Variants in NUP93 observed in about 807,000 individuals in gnomAD.
NUP93 encodes the protein nuclear pore complex protein Nup93.
In NUP93, 55 loss-of-function variants were observed where a neutral mutation model predicts 107.8. That is an observed-to-expected ratio of 0.51 (90% CI 0.41 to 0.64). The LOEUF is 0.64. Ranked by LOEUF, NUP93 falls within the 30% of genes least tolerant of loss-of-function variation. The probability of loss-of-function intolerance (pLI) is 0.00; values close to 1 mark genes in which losing one functional copy is unlikely to be tolerated. For missense variants in NUP93, 937 were observed against 1,044.7 expected, an observed-to-expected ratio of 0.90 and a Z score of 1.42; for synonymous variants, 390 against 397.5, an observed-to-expected ratio of 0.98 and a Z score of 0.22.
At chr16:56,731,286 T>G (rs1308550064) in intron 1 of NUP93, among the ~76,000 whole-genome samples, 1 of 152,168 alleles carries the variant, frequency 6.6e-6, no homozygotes, top group Non-Finnish European at 1.5e-5. Context: ...TCCCCTTCAT[T>G]ACTCTCCCCA....
rs1436430641 is a variant in NUP93 at position 56,758,465 on chromosome 16, GC to G, written c.180-72del. On this transcript the variant is annotated intron_variant, in intron 2 of 21. Transcript: ENST00000308159. ...AAAATGCTCTCTAGTATTTGATGAA[GC>G]ATATTAGATGTCCTAATCCTAATCC... 4.1e-5 allele frequency: 44 copies of G among 1,067,712 alleles called. No homozygotes were observed. In the Admixed American group the frequency reaches 7.5e-4, roughly 18 times the overall value. 66.1% of individuals were successfully genotyped at this position (1,067,712 alleles called of 1,614,324 possible). A position where few individuals can be genotyped will look rare whatever the true frequency, so the allele number is the denominator to read the frequency against.
In NUP93 at chr16:56,768,734, G is replaced by A. The variant is rs542004610; in HGVS notation, c.297+10079G>A. ...TACAAAAAATTAGCCTGGTGTGGTGGCGGGCGCCTGTAGTCCCAGCTACTC... is the reference window on the plus strand; with the variant it reads ...TACAAAAAATTAGCCTGGTGTGGTGACGGGCGCCTGTAGTCCCAGCTACTC... On this transcript the variant is annotated intron_variant, in intron 3 of 21. Transcript: ENST00000308159. Among the ~76,000 whole-genome samples, 15 of 151,608 alleles carry A rather than the reference G, an allele frequency of 9.9e-5. No homozygotes were observed. The East Asian group carries it at 2.7e-3, about 28-fold the overall frequency.
intron 5 of NUP93, among the ~76,000 whole-genome samples, chr16:56,818,177 C>T (rs1963472483): frequency 6.6e-6 from 1 of 152,164 alleles, no homozygotes; most frequent in Non-Finnish European, 1.5e-5. Flanking sequence ...GAAAAGTAAT[C>T]AGCAGCTGTT....
At chr16:56,825,710 A>G (rs1963644663) in intron 8 of NUP93, among the ~76,000 whole-genome samples, 1 of 152,020 alleles carries the variant, frequency 6.6e-6, no homozygotes, top group African/African-American at 2.4e-5. Context: ...ATCTTGTTCC[A>G]TTAATTTCTT....
chr16:56,791,832 G>T (rs1962770108), intron 3 of NUP93, among the ~76,000 whole-genome samples: 1 of 152,204 alleles, frequency 6.6e-6, no homozygotes. Flanking sequence ...GGACAGATGT[G>T]TAGCATTTAT....
At chr16:56,832,899 T>G (rs1963825604) in intron 12 of NUP93, among the ~76,000 whole-genome samples, 1 of 152,258 alleles carries the variant, frequency 6.6e-6, no homozygotes, top group Non-Finnish European at 1.5e-5. Flanking sequence ...GTAAAGGAGA[T>G]AAACACTCTC....
chr16:56,812,209 T>A (rs1293235143), intron 5 of NUP93, among the ~76,000 whole-genome samples: 1 of 152,186 alleles, frequency 6.6e-6, no homozygotes, highest in Non-Finnish European at 1.5e-5. Flanking sequence ...GCTTTTTTTG[T>A]TTGTTTGTTT....
At chr16:56,835,519 G>A (rs866490983) in intron 16 of NUP93, among the ~76,000 whole-genome samples, 5 of 152,206 alleles carry the variant, frequency 3.3e-5, no homozygotes, top group Admixed American at 1.3e-4. Context: ...TGTGCTGAGT[G>A]CTTTGCATAG....
At chr16:56,823,188 CTG>C (rs1389528975) in intron 7 of NUP93, among the ~76,000 whole-genome samples, 2 of 152,176 alleles carry the variant, frequency 1.3e-5, no homozygotes, top group Non-Finnish European at 2.9e-5. Context: ...AAATGGGAGG[CTG>C]TGACGCTCAC....
At chr16:56,784,836 GTT>G (rs1305976445) in intron 3 of NUP93, among the ~76,000 whole-genome samples, 1 of 152,114 alleles carries the variant, frequency 6.6e-6, no homozygotes, top group Non-Finnish European at 1.5e-5. Context: ...ACTAGCTCCT[GTT>G]TATCCTACTC....
rs532447084 is a variant in NUP93, at chr16:56,778,141, A to G, written c.297+19486A>G. ...AGAGCGACACAGGATTCTAAATGCC[A>G]TGGGAATTCAGAGGCGTGGAAGCGG... On this transcript the variant is annotated intron_variant, in intron 3 of 21. Transcript: ENST00000308159. 7.9e-5 allele frequency among the ~76,000 whole-genome samples: 12 copies of G among 152,340 alleles called. No individual in the cohort carries two copies. The East Asian group carries it at 9.6e-4, about 12-fold the overall frequency.
In NUP93 at chr16:56,848,227, C is replaced by T. The variant is rs1385571527; in HGVS notation, c.*3618C>T. 2.6e-5 allele frequency: 4 copies of T among 152,218 alleles called. No homozygotes were observed. The highest frequency in any genetic ancestry group is 2.6e-4 in the Admixed American group (4 of 15,280). The allele number at this position is 152,218 out of a possible 1,614,324, so 9.4% of individuals were successfully genotyped here. ...GAATGCTGAGTCAGAAAATGAACCC[C>T]TGGGCTGGCGGGTTGACCCAGGCCT... On this transcript the variant is annotated 3_prime_UTR_variant, in exon 22 of 22. Transcript: ENST00000308159.
intron 11 of NUP93, 37 bp downstream of exon 11, chr16:56,832,044 C>G (rs111791291): frequency 1.2e-6 from 2 of 1,609,754 alleles, no homozygotes; most frequent in Admixed American, 1.7e-5. Flanking sequence ...AGGGCTTTAC[C>G]CCTTTTCTGT....
intron 12 of NUP93, among the ~76,000 whole-genome samples, chr16:56,832,624 C>A (rs147851477): frequency 7.9e-5 from 12 of 152,324 alleles, no homozygotes; most frequent in African/African-American, 2.6e-4. Flanking sequence ...TTCTCTAATT[C>A]TTTGAACTGT....
chr16:56,802,290 T>G (rs1465853167), intron 4 of NUP93, among the ~76,000 whole-genome samples: 2 of 151,348 alleles, frequency 1.3e-5, no homozygotes, highest in African/African-American at 4.9e-5. Context: ...TCTAAGAAAA[T>G]TATCTCTTCC....
intron 5 of NUP93, among the ~76,000 whole-genome samples, chr16:56,808,768 ATATATAAATACATATATAAATATG>A (rs1479342455): frequency 4.9e-5 from 7 of 144,256 alleles, no homozygotes; most frequent in African/African-American, 1.0e-4. Flanking sequence ...AAAAATACAT[ATATATAAATACATATATAAATATG>A]TATATAAATA....
chr16:56,810,595 G>C (rs1405715995), intron 5 of NUP93, among the ~76,000 whole-genome samples: 1 of 152,122 alleles, frequency 6.6e-6, no homozygotes, highest in African/African-American at 2.4e-5. Context: ...TCGCACCACT[G>C]TACCCCAGCC....
chr16:56,836,187 G>A (rs532379414), intron 16 of NUP93, among the ~76,000 whole-genome samples: 1 of 150,902 alleles, frequency 6.6e-6, no homozygotes, highest in South Asian at 2.1e-4. Flanking sequence ...TCAGCACTGA[G>A]TTCCTTTTGC....
At chr16:56,764,004 A>C (rs574037645) in intron 3 of NUP93, among the ~76,000 whole-genome samples, 3 of 152,232 alleles carry the variant, frequency 2.0e-5, no homozygotes, top group Non-Finnish European at 1.5e-5. Flanking sequence ...AAACTGAACT[A>C]TATATCATAT....
Sources: gnomAD v4.1 joint callset for allele counts (sites outside exome capture counted in the v4.1 genomes callset) on GRCh38, gnomAD v4.1.1 for gene constraint, MANE v1.5 for transcripts, NCBI Gene and HGNC (gene_info 2026-07-23, HGNC 2026-07-21) for gene names.